The following CLIC4 variants were observed in gnomAD, a reference collection of about 807,000 sequenced individuals.
CLIC4 encodes the protein chloride intracellular channel protein 4.
A neutral mutation model predicts 24.6 loss-of-function variants in CLIC4; 13 were observed. The ratio of observed to expected loss-of-function variants is 0.53; its 90% CI spans 0.34 to 0.84. CLIC4 has a LOEUF of 0.84. Among genes scored for constraint, CLIC4 ranks in the 40% least tolerant of loss-of-function variants. The pLI is 0.01. For synonymous variants in CLIC4, 104 were observed against 111.3 expected, an observed-to-expected ratio of 0.93 and a Z score of 0.41; for missense variants, 227 against 301.7, an observed-to-expected ratio of 0.75 and a Z score of 1.83.
chr1:24,821,618 A>G (rs957707755), intron 3 of CLIC4, among the ~76,000 whole-genome samples: 57 of 152,134 alleles, frequency 3.7e-4, no homozygotes, highest in African/African-American at 3.1e-4. Context: ...CGGTGGTGCA[A>G]TCTTACCTCA....
intron 2 of CLIC4, among the ~76,000 whole-genome samples, chr1:24,808,998 C>T (rs1639585838): frequency 6.6e-6 from 1 of 152,086 alleles, no homozygotes; most frequent in African/African-American, 2.4e-5. Context: ...TATTTTTGAT[C>T]CTCAGTTGGT....
intron 1 of CLIC4, among the ~76,000 whole-genome samples, chr1:24,786,656 C>T (rs369304821): frequency 3.3e-5 from 5 of 152,030 alleles, no homozygotes; most frequent in African/African-American, 7.2e-5. Flanking sequence ...CTTGCTCTGT[C>T]GCCCAGGCTG....
At chr1:24,754,693 A>C (rs535246202) in intron 1 of CLIC4, among the ~76,000 whole-genome samples, 1 of 152,192 alleles carries the variant, frequency 6.6e-6, no homozygotes, top group East Asian at 1.9e-4. Flanking sequence ...GAATTTTCTC[A>C]TGGCTTTTAA....
chr1:24,825,289 A>C (rs2124165540), intron 3 of CLIC4, among the ~76,000 whole-genome samples: 1 of 152,336 alleles, frequency 6.6e-6, no homozygotes, highest in Middle Eastern at 3.4e-3. Flanking sequence ...CATTATGTTC[A>C]CTGCGCTATT....
chr1:24,800,558 G>A (rs1015040351), intron 2 of CLIC4, among the ~76,000 whole-genome samples: 22 of 152,340 alleles, frequency 1.4e-4, no homozygotes, highest in African/African-American at 4.8e-4. Context: ...ACCCCGTCTG[G>A]GAGGTGTGCC....
chr1:24,755,998 T>TG (rs1456779909), intron 1 of CLIC4, among the ~76,000 whole-genome samples: 1 of 129,778 alleles, frequency 7.7e-6, no homozygotes, highest in African/African-American at 3.6e-5. Context: ...ATTTTTTGAT[T>TG]TTTTTTTTTT....
At chr1:24,800,774 C>G (rs1003593588) in intron 2 of CLIC4, among the ~76,000 whole-genome samples, 2 of 152,180 alleles carry the variant, frequency 1.3e-5, no homozygotes, top group Non-Finnish European at 2.9e-5. Context: ...ACCCCCAACC[C>G]TGTGCTCTCT....
chr1:24,770,798 T>C (rs563385210), intron 1 of CLIC4, among the ~76,000 whole-genome samples: 3 of 152,312 alleles, frequency 2.0e-5, no homozygotes, highest in East Asian at 1.9e-4. Context: ...ACTGTGAGGC[T>C]GGACTCATCT....
At position 24,841,166 on chromosome 1, in the gene CLIC4, C is replaced by T. The variant is rs1167525585; in HGVS notation, c.*229C>T. On this transcript the variant is annotated 3_prime_UTR_variant, in exon 6 of 6. Coordinates refer to ENST00000374379, the MANE Select transcript of CLIC4 (RefSeq NM_013943.3). The stretch of plus-strand genomic sequence containing the variant: ...CTACCTCCCCTACCCGGGTTCCCCT[C>T]TCTTTAATTTGGAGACACTCCACCA... The T allele has an allele frequency of 6.8e-6, 2 of 292,774 alleles. No individual in the cohort carries two copies. Among genetic ancestry groups the T allele is most frequent in the Admixed American group, 1.0e-4 (2 of 19,390 alleles). The allele number at this position is 292,774 out of a possible 1,614,324, so 18.1% of individuals were successfully genotyped here.
chr1:24,825,566 T>A (rs974450815), intron 3 of CLIC4, among the ~76,000 whole-genome samples: 7 of 152,236 alleles, frequency 4.6e-5, no homozygotes, highest in African/African-American at 1.4e-4. Context: ...ATGTAAATAA[T>A]TGTGTTTATA....
intron 1 of CLIC4, among the ~76,000 whole-genome samples, chr1:24,765,819 T>C (rs1162916820): frequency 2.0e-5 from 3 of 149,480 alleles, no homozygotes; most frequent in African/African-American, 7.4e-5. Flanking sequence ...TTCTTTCTTT[T>C]TTTTTTTTTT....
chr1:24,825,261 ATAGATG>A (rs1298060170), intron 3 of CLIC4, among the ~76,000 whole-genome samples: 1 of 152,212 alleles, frequency 6.6e-6, no homozygotes, highest in African/African-American at 2.4e-5. Flanking sequence ...ATAGGAAGAC[ATAGATG>A]TATTGAAAAG....
intron 3 of CLIC4, among the ~76,000 whole-genome samples, chr1:24,825,935 G>C (rs538528117): frequency 6.6e-6 from 1 of 152,292 alleles, no homozygotes; most frequent in East Asian, 1.9e-4. Context: ...TTCTAGTGAC[G>C]TTTTGCAGGA....
intron 1 of CLIC4, among the ~76,000 whole-genome samples, chr1:24,768,225 T>C (rs1639026817): frequency 1.3e-5 from 2 of 152,190 alleles, no homozygotes; most frequent in Non-Finnish European, 2.9e-5. Flanking sequence ...AATCCCCTTG[T>C]GGTGGCGTCC....
intron 2 of CLIC4, among the ~76,000 whole-genome samples, chr1:24,799,108 C>T (rs574724818): frequency 2.2e-3 from 339 of 151,504 alleles, no homozygotes; most frequent in Middle Eastern, 6.8e-3. Flanking sequence ...GGCCGCGCAT[C>T]GTCTGGGATG....
Position 24,745,609 on chromosome 1 carries a change from T to C in CLIC4, c.56T>C (p.Ile19Thr). 1 of 1,574,456 alleles carries C rather than the reference T, an allele frequency of 6.4e-7. No individual in the cohort carries two copies. Residue 19 changes from isoleucine to threonine, a missense_variant, in exon 1 of 6, where the codon ATC (isoleucine) becomes ACC (threonine). Physicochemically the swap from Ile to Thr is moderately conservative, Grantham distance 89. Transcript: ENST00000374379. ...AAGGAGGAGGACAAAGAGCCCCTCA[T>C]CGAGCTCTTCGTCAAGGTGAGCGCT... ...GLKEEDKEPLIELFVKAGSDG... is the reference protein window; with the variant it reads ...GLKEEDKEPLTELFVKAGSDG...
intron 1 of CLIC4, among the ~76,000 whole-genome samples, chr1:24,787,258 G>A (rs1459867001): frequency 1.3e-5 from 2 of 152,030 alleles, no homozygotes; most frequent in East Asian, 3.9e-4. Context: ...ACTTTGGGAG[G>A]CTGAGGCGGG....
intron 4 of CLIC4, 119 bp from the exon 5 acceptor site, chr1:24,839,741 T>C (rs1639922605): frequency 1.2e-6 from 1 of 851,366 alleles, no homozygotes; most frequent in Admixed American, 2.8e-5. Flanking sequence ...TGTTCTACAG[T>C]ACCTTGTTTC....
intron 1 of CLIC4, among the ~76,000 whole-genome samples, chr1:24,755,573 C>T (rs1431849946): frequency 2.0e-5 from 3 of 151,190 alleles, no homozygotes; most frequent in African/African-American, 7.3e-5. Flanking sequence ...TGTGCCACTG[C>T]ACTCTGGCCT....
Sources: allele counts gnomAD v4.1 joint callset (sites outside exome capture counted in the v4.1 genomes callset), GRCh38; gene constraint gnomAD v4.1.1; transcripts MANE v1.5; gene names NCBI Gene and HGNC (gene_info 2026-07-23, HGNC 2026-07-21).